CDH13: variants seen among roughly 807,000 people sequenced by gnomAD.
CDH13 encodes the protein cadherin 13.
CDH13 carries 24 observed loss-of-function variants against 63.8 expected under a neutral mutation model. That is an observed-to-expected ratio of 0.38 (90% CI 0.27 to 0.53). The LOEUF (loss-of-function observed/expected upper bound fraction) is 0.53. CDH13 is among the 20% of genes least tolerant of loss of function. The pLI, the probability that CDH13 is intolerant of heterozygous loss-of-function variation, is 0.85. For missense variants in CDH13, 1,049 were observed against 903.1 expected, an observed-to-expected ratio of 1.16 and a Z score of -2.07; for synonymous variants, 503 against 355.3, an observed-to-expected ratio of 1.42 and a Z score of -4.67.
chr16:83,782,856 T>C (rs1265296303), intron 12 of CDH13, among the ~76,000 whole-genome samples: 1 of 152,118 alleles, frequency 6.6e-6, no homozygotes, highest in African/African-American at 2.4e-5. Flanking sequence ...GCTTTCTAGA[T>C]GTGGAACGCA....
intron 6 of CDH13, among the ~76,000 whole-genome samples, chr16:83,479,212 A>T (rs182315342): frequency 5.2e-4 from 77 of 148,996 alleles, no homozygotes; most frequent in African/African-American, 1.7e-3. Flanking sequence ...ATTTTAAGTA[A>T]CTCCTGTTTC....
chr16:83,495,030 G>T (rs2074102835), intron 7 of CDH13, among the ~76,000 whole-genome samples: 1 of 151,992 alleles, frequency 6.6e-6, no homozygotes, highest in African/African-American at 2.4e-5. Flanking sequence ...AGACTTTCTT[G>T]GCCAACAGGC....
chr16:83,161,838 G>C (rs948587650), intron 4 of CDH13, among the ~76,000 whole-genome samples: 1 of 152,074 alleles, frequency 6.6e-6, no homozygotes, highest in African/African-American at 2.4e-5. Flanking sequence ...AGAAGCCTGA[G>C]ACGCTATGTC....
At chr16:83,398,407 C>G (rs1406658708) in intron 6 of CDH13, among the ~76,000 whole-genome samples, 2 of 152,152 alleles carry the variant, frequency 1.3e-5, no homozygotes, top group South Asian at 4.1e-4. Context: ...TCCTCCTCTT[C>G]TCTTTCTCAA....
intron 6 of CDH13, among the ~76,000 whole-genome samples, chr16:83,372,644 C>T (rs533006070): frequency 3.4e-5 from 5 of 147,894 alleles, no homozygotes; most frequent in East Asian, 2.0e-4. Context: ...CCCAGCTACT[C>T]GGGAGGCTGA....
intron 1 of CDH13, among the ~76,000 whole-genome samples, chr16:82,778,917 C>G (rs1298246393): frequency 6.6e-6 from 1 of 152,028 alleles, no homozygotes; most frequent in Non-Finnish European, 1.5e-5. Context: ...ATTTTAAATA[C>G]AAGTGTTGGT....
rs13335447 is a variant in CDH13, at chr16:83,059,323, G to C, written c.366+27105G>C. Among the ~76,000 whole-genome samples the C allele has an allele frequency of 1.2e-4, 18 of 152,226 alleles. 1 individual carries two copies. In the East Asian group the frequency reaches 3.1e-3, roughly 26 times the overall value. ...AGAGTTGCCTGGGAGCAGGGAGAGC[G>C]GGTGTTAACTGCCTTCTGTTTAGAA... On this transcript the variant is annotated intron_variant, in intron 3 of 13. Transcript: ENST00000567109.
chr16:83,089,769 G>A (rs368971304), intron 3 of CDH13, among the ~76,000 whole-genome samples: 1 of 152,212 alleles, frequency 6.6e-6, no homozygotes, highest in Non-Finnish European at 1.5e-5. Flanking sequence ...CTAAGTAAAC[G>A]TAGAGTCCAC....
intron 1 of CDH13, among the ~76,000 whole-genome samples, chr16:82,759,279 A>G (rs1394154840): frequency 1.3e-5 from 2 of 152,002 alleles, no homozygotes; most frequent in Non-Finnish European, 2.9e-5. Flanking sequence ...ACACCTCCTC[A>G]CTTGTACTTC....
chr16:82,954,739 T>C (rs1224875996), intron 2 of CDH13: 1 of 137,992 alleles, frequency 7.2e-6, no homozygotes, highest in African/African-American at 2.5e-5. Context: ...AGAATATTTT[T>C]TAAATCTCCT....
intron 6 of CDH13, among the ~76,000 whole-genome samples, chr16:83,373,216 C>T (rs768380874): frequency 7.9e-5 from 12 of 152,090 alleles, no homozygotes; most frequent in Non-Finnish European, 1.8e-4. Flanking sequence ...CAAACTAGGA[C>T]AGTTGTAGGA....
intron 3 of CDH13, among the ~76,000 whole-genome samples, chr16:83,090,151 C>T (rs768661319): frequency 1.3e-5 from 2 of 152,176 alleles, no homozygotes; most frequent in Non-Finnish European, 2.9e-5. Context: ...CCCCAGGTCC[C>T]AGCTTCTCCA....
At chr16:83,154,621 C>T (rs1448683357) in intron 4 of CDH13, among the ~76,000 whole-genome samples, 2 of 151,906 alleles carry the variant, frequency 1.3e-5, no homozygotes, top group South Asian at 2.1e-4. Flanking sequence ...ATTAGGAGGC[C>T]GTAGTGTTAC....
At chr16:83,452,224 A>T (rs1378268113) in intron 6 of CDH13, among the ~76,000 whole-genome samples, 1 of 152,228 alleles carries the variant, frequency 6.6e-6, no homozygotes, top group South Asian at 2.1e-4. Context: ...GACAGTCGGT[A>T]GTATGTCAGC....
chr16:83,384,764 C>G (rs776513620), intron 6 of CDH13, among the ~76,000 whole-genome samples: 29 of 152,246 alleles, frequency 1.9e-4, no homozygotes, highest in Non-Finnish European at 2.9e-4. Flanking sequence ...TCTTTCCTGT[C>G]TCACTCTTCA....
chr16:83,678,552 C>T (rs1915152289), intron 10 of CDH13, 91 bp downstream of exon 10: 2 of 1,462,078 alleles, frequency 1.4e-6, no homozygotes, highest in Non-Finnish European at 1.9e-6. Context: ...GGAGCAGACA[C>T]CATTAAATTA....
intron 2 of CDH13, among the ~76,000 whole-genome samples, chr16:82,943,808 C>A (rs1904391506): frequency 6.6e-6 from 1 of 152,230 alleles, no homozygotes; most frequent in Admixed American, 6.5e-5. Context: ...GGAAACAAGA[C>A]AAAATGCTAT....
At position 82,710,674 on chromosome 16, in the gene CDH13, GTATATTTA is replaced by G. The variant is rs1441674983; in HGVS notation, c.45+83545_45+83552del. On this transcript the variant is annotated intron_variant, in intron 1 of 13. Transcript: ENST00000567109. Reference sequence around the variant, plus strand: ...ATTTTATTTGATTTAAAAATATACAGTATATTTATATATTTGTATATTTATAAATGTAT... The same window carrying G: ...ATTTTATTTGATTTAAAAATATACAGTATATTTGTATATTTATAAATGTAT... Among the ~76,000 whole-genome samples the G allele has an allele frequency of 4.4e-5, 6 of 137,546 alleles. No homozygotes were observed. The East Asian group carries it at 1.2e-3, about 28-fold the overall frequency. 90.2% of individuals were successfully genotyped at this position (137,546 alleles called of 152,430 possible).
chr16:82,633,598 T>G (rs1397429794), intron 1 of CDH13, among the ~76,000 whole-genome samples: 1 of 152,150 alleles, frequency 6.6e-6, no homozygotes, highest in Admixed American at 6.5e-5. Flanking sequence ...AGGCTGGTCT[T>G]GAACTCCTGA....
Sources: gnomAD v4.1 joint callset for allele counts (sites outside exome capture counted in the v4.1 genomes callset) on GRCh38, gnomAD v4.1.1 for gene constraint, MANE v1.5 for transcripts, NCBI Gene and HGNC (gene_info 2026-07-23, HGNC 2026-07-21) for gene names.